The following NLN variants were observed in gnomAD, a reference collection of about 807,000 sequenced individuals.
The protein encoded by NLN is neurolysin.
NLN carries 64 observed loss-of-function variants against 79.9 expected under a neutral mutation model. The observed-to-expected ratio is 0.80, with a 90% confidence interval of 0.65 to 0.99. The LOEUF is 0.99. NLN is among the 50% of genes least tolerant of loss of function. The pLI, the probability that NLN is intolerant of heterozygous loss-of-function variation, is 0.00. For synonymous variants in NLN, 267 were observed against 296.6 expected (o/e 0.90, Z 1.02); for missense variants, 835 against 858.7 (o/e 0.97, Z 0.34).
In NLN at chr5:65,763,501, G is replaced by A. The variant is rs114440186; in HGVS notation, c.450+393G>A. On this transcript the variant is annotated intron_variant, in intron 3 of 12. Transcript: ENST00000380985. The stretch of plus-strand genomic sequence containing the variant: ...GACATACTGTTGATGCTGTATGCCG[G>A]AGTCATTCCTGTCTGTCATCCTTAC... Among the ~76,000 whole-genome samples the A allele has an allele frequency of 4.1e-3, 630 of 152,118 alleles. 2 individuals are homozygous for A. Among genetic ancestry groups the A allele is most frequent in the Non-Finnish European group, 7.5e-3 (509 of 68,000 alleles).
chr5:65,810,546 A>G (rs938395901), intron 11 of NLN, among the ~76,000 whole-genome samples: 12 of 152,116 alleles, frequency 7.9e-5, no homozygotes, highest in Non-Finnish European at 1.0e-4. Flanking sequence ...TCCTTTACAT[A>G]TAGTATTTTG....
rs184334346 is a variant in NLN at position 65,827,196 on chromosome 5, C to A, written c.*4281C>A. 3 of 152,194 alleles carry A rather than the reference C, an allele frequency of 2.0e-5. No homozygotes were observed. The highest frequency in any genetic ancestry group is 4.8e-5 in the African/African-American group (2 of 41,528). The allele number at this position is 152,194 out of a possible 1,614,324, so 9.4% of individuals were successfully genotyped here. ...GGTAATGTACACAGCGATGCACACA[C>A]CCCCACACCACACCGTGATTCCTGA... On this transcript the variant is annotated 3_prime_UTR_variant, in exon 13 of 13. Transcript: ENST00000380985.
intron 1 of NLN, among the ~76,000 whole-genome samples, chr5:65,726,004 C>T (rs990044330): frequency 2.0e-5 from 3 of 150,818 alleles, no homozygotes; most frequent in Non-Finnish European, 2.9e-5. Context: ...CCCAACTACT[C>T]GGGAGGCTGA....
chr5:65,731,681 T>G (rs1252518694), intron 1 of NLN, among the ~76,000 whole-genome samples: 1 of 151,312 alleles, frequency 6.6e-6, no homozygotes, highest in East Asian at 1.9e-4. Flanking sequence ...GCCTTTGGTC[T>G]CATTCCTAGA....
At chr5:65,754,044 T>G (rs547466192) in intron 1 of NLN, among the ~76,000 whole-genome samples, 2 of 152,330 alleles carry the variant, frequency 1.3e-5, no homozygotes, top group Admixed American at 6.5e-5. Flanking sequence ...ACTGTTGGTT[T>G]CTCCCTATAC....
chr5:65,805,727 T>A (rs1760397654), intron 9 of NLN, among the ~76,000 whole-genome samples: 1 of 152,236 alleles, frequency 6.6e-6, no homozygotes, highest in Admixed American at 6.5e-5. Context: ...GAAGATCTAG[T>A]TAAGATCATT....
Position 65,781,263 on chromosome 5 carries a change from G to C in NLN, c.664G>C (p.Ala222Pro). The C allele has an allele frequency of 6.2e-7, 1 of 1,602,696 alleles. No homozygotes were observed. Among genetic ancestry groups the C allele is most frequent in the South Asian group, 1.1e-5 (1 of 89,662 alleles). The part of the protein sequence containing the change: ...FLVFSKAELG[A>P]LPDDFIDSLE... ...TATGAGAAAATGATTTTTTGCAGGT[G>C]CTCTTCCTGATGATTTCATTGACAG... Residue 222 changes from alanine to proline, a missense_variant and splice_region_variant, in exon 6 of 13, where the codon GCT (alanine) becomes CCT (proline). By Grantham distance (27) the Ala-to-Pro change is conservative. Transcript: ENST00000380985.
intron 12 of NLN, among the ~76,000 whole-genome samples, chr5:65,817,071 C>T (rs571402944): frequency 5.9e-5 from 9 of 152,216 alleles, no homozygotes; most frequent in South Asian, 2.1e-4. Flanking sequence ...TCTTGGCAAG[C>T]AGAACTATAG....
chr5:65,758,533 C>G (rs1376686721), intron 1 of NLN, 34 bp from the exon 2 acceptor site: 1 of 1,522,190 alleles, frequency 6.6e-7, no homozygotes, highest in East Asian at 2.3e-5. Flanking sequence ...CAACAGAAAT[C>G]CCTAATTCTT....
chr5:65,726,027 G>A (rs1454725467), intron 1 of NLN, among the ~76,000 whole-genome samples: 7 of 151,856 alleles, frequency 4.6e-5, no homozygotes, highest in African/African-American at 1.7e-4. Context: ...CAGGAGAATG[G>A]CGTGAACCCG....
At chr5:65,807,186 AAAAG>A (rs1200410996) in intron 9 of NLN, among the ~76,000 whole-genome samples, 26 of 151,632 alleles carry the variant, frequency 1.7e-4, no homozygotes, top group East Asian at 3.9e-4. Context: ...CAAAAAAAAA[AAAAG>A]AAAGAAAGAA....
At chr5:65,740,842 A>C (rs1377555415) in intron 1 of NLN, 1 of 149,214 alleles carries the variant, frequency 6.7e-6, no homozygotes, top group Non-Finnish European at 1.4e-5. Flanking sequence ...ATATACGTAT[A>C]TTATATATAT....
chr5:65,748,092 T>C (rs1452367111), intron 1 of NLN, among the ~76,000 whole-genome samples: 1 of 152,162 alleles, frequency 6.6e-6, no homozygotes, highest in Non-Finnish European at 1.5e-5. Flanking sequence ...TCCCAGCTAC[T>C]TGGGAGGCTG....
At chr5:65,763,187 C>A in intron 3 of NLN, 79 bp downstream of exon 3, 2 of 1,228,474 alleles carry the variant, frequency 1.6e-6, no homozygotes, top group Non-Finnish European at 2.3e-6. Flanking sequence ...ATAAAACATA[C>A]TGACTGGATT....
chr5:65,751,285 A>T (rs1341811833), intron 1 of NLN, among the ~76,000 whole-genome samples: 2 of 152,236 alleles, frequency 1.3e-5, no homozygotes, highest in African/African-American at 4.8e-5. Context: ...AATTTTACAT[A>T]ATATAGTTTC....
At chr5:65,798,840 T>A (rs1266877714) in intron 9 of NLN, among the ~76,000 whole-genome samples, 9 of 152,234 alleles carry the variant, frequency 5.9e-5, no homozygotes, top group Non-Finnish European at 1.3e-4. Context: ...TATTATTTTT[T>A]AAAAATCAAA....
At chr5:65,764,232 A>G (rs1448606406) in intron 3 of NLN, among the ~76,000 whole-genome samples, 1 of 151,966 alleles carries the variant, frequency 6.6e-6, no homozygotes, top group Admixed American at 6.6e-5. Context: ...TTTTTATTTC[A>G]CATTCTGTGA....
chr5:65,739,012 TTATATATATA>T (rs1758811752), intron 1 of NLN, among the ~76,000 whole-genome samples: 1 of 116,190 alleles, frequency 8.6e-6, no homozygotes, highest in African/African-American at 3.3e-5. Context: ...TAATATATAT[TTATATATATA>T]AATATATAAT....
chr5:65,816,436 G>C (rs781508004), intron 12 of NLN, among the ~76,000 whole-genome samples: 2 of 151,728 alleles, frequency 1.3e-5, no homozygotes, highest in Non-Finnish European at 2.9e-5. Context: ...ATCGGTACTA[G>C]CTTTAATACC....
Sources: gnomAD v4.1 joint callset for allele counts (sites outside exome capture counted in the v4.1 genomes callset) on GRCh38, gnomAD v4.1.1 for gene constraint, MANE v1.5 for transcripts, NCBI Gene and HGNC (gene_info 2026-07-23, HGNC 2026-07-21) for gene names.